Variants in OR7A17 observed in about 807,000 individuals in gnomAD.
The protein encoded by OR7A17 is olfactory receptor family 7 subfamily A member 17.
For synonymous variants in OR7A17, 159 were observed against 142.1 expected, an observed-to-expected ratio of 1.12 and a Z score of -0.85; for missense variants, 366 against 365.5, an observed-to-expected ratio of 1.00 and a Z score of -0.01.
Position 14,880,495 on chromosome 19 carries a change from G to A in OR7A17, c.861C>T (p.Pro287=). Residue 287 remains proline (P), a synonymous_variant, in exon 3 of 3, where the codon CCC becomes CCT. Transcript: ENST00000641113. The stretch of plus-strand genomic sequence containing the variant: ...CTTTATTCCTCAGACTGTAGATAAA[G>A]GGGTTCAGCATGGGGGTGGCCACAG... ...MYTVATPMLN[P]FIYSLRNKDI... 1 of 1,614,064 alleles carries A rather than the reference G, an allele frequency of 6.2e-7. No individual in the cohort carries two copies. Among genetic ancestry groups the A allele is most frequent in the Non-Finnish European group, 8.5e-7 (1 of 1,179,978 alleles).
intron 1 of OR7A17, among the ~76,000 whole-genome samples, chr19:14,882,895 T>A (rs2045119372): frequency 6.6e-6 from 1 of 152,198 alleles, no homozygotes; most frequent in Admixed American, 6.5e-5. Context: ...CTCACCCTGG[T>A]TACACTGTTA....
At chr19:14,881,680 T>G (rs2045113234) in intron 2 of OR7A17, 94 bp downstream of exon 2, 1 of 156,230 alleles carries the variant, frequency 6.4e-6, no homozygotes, top group South Asian at 2.0e-4. Context: ...TGGTGACAGA[T>G]AAAATGGTAT....
At chr19:14,883,333 G>A (rs934107181) in intron 1 of OR7A17, among the ~76,000 whole-genome samples, 6 of 152,084 alleles carry the variant, frequency 3.9e-5, no homozygotes, top group African/African-American at 9.7e-5. Context: ...CCAGCTACTC[G>A]GGGGGCTGAG....
In OR7A17 at chr19:14,881,286, G is replaced by A; in HGVS notation, c.70C>T (p.Gln24Ter). The A allele has an allele frequency of 6.2e-7, 1 of 1,610,260 alleles. No individual in the cohort carries two copies. Among genetic ancestry groups the A allele is most frequent in the South Asian group, 1.1e-5 (1 of 90,352 alleles). ...LLGLSEEPELQPFLFGLFLSM... is the reference protein window; with the variant it reads ...LLGLSEEPEL Reference sequence around the variant, plus strand: ...AGAAACAGCCCAAAGAGGAAGGGCTGCAATTCTGGTTCCTCAGAAAGTCCC... The same window carrying A: ...AGAAACAGCCCAAAGAGGAAGGGCTACAATTCTGGTTCCTCAGAAAGTCCC... The change falls in exon 3 of 3, where the codon CAG becomes TAG. Residue 24 changes from glutamine (Q) to a stop codon, truncating the protein, a stop_gained. Coordinates refer to ENST00000641113, the MANE Select transcript of OR7A17 (RefSeq NM_030901.2). LOFTEE classifies it low-confidence loss of function (END_TRUNC).
In OR7A17 at chr19:14,885,496, C is replaced by G. The variant is rs958477803; in HGVS notation, c.-295+445G>C. On this transcript the variant is annotated intron_variant, in intron 1 of 2. Coordinates refer to ENST00000641113, the MANE Select transcript of OR7A17 (RefSeq NM_030901.2). The stretch of plus-strand genomic sequence containing the variant: ...TATACAGCAATAATAGACAGAGAGC[C>G]AAATCATGAGTGAACTCCCATTCAC... Among the ~76,000 whole-genome samples, 7 of 152,006 alleles carry G rather than the reference C, an allele frequency of 4.6e-5. No individual in the cohort carries two copies. In the East Asian group the frequency reaches 1.3e-3, roughly 29 times the overall value.
chr19:14,881,092 C>T lies in OR7A17; in HGVS notation c.264G>A (p.Gln88=), dbSNP rs748784852. The change falls in exon 3 of 3, where the codon CAG becomes CAA. Residue 88 remains glutamine (Q), a synonymous_variant. Transcript: ENST00000641113. ...AGCCTGCATAGGTGATGACTCTGCT[C>T]TGTGTCTGGATGTTAATGAGCATCT... ...IPKMLINIQT[Q]SRVITYAGCI... The T allele has an allele frequency of 3.7e-6, 6 of 1,614,032 alleles. No individual in the cohort carries two copies. The African/African-American group carries it at 8.0e-5, about 22-fold the overall frequency.
At position 14,881,551 on chromosome 19, in the gene OR7A17, A is replaced by T. The variant is rs2045112537; in HGVS notation, c.-196T>A. On this transcript the variant is annotated splice_region_variant and 5_prime_UTR_variant, in exon 3 of 3. Transcript: ENST00000641113. ...GGCTTGGTTGCATCTTTTCAATGTG[A>T]CTACCAAAAAGAGAGAGAATATGAC... 1 of 287,802 alleles carries T rather than the reference A, an allele frequency of 3.5e-6. No individual in the cohort carries two copies. The highest frequency in any genetic ancestry group is 6.3e-6 in the Non-Finnish European group (1 of 158,544). The allele number at this position is 287,802 out of a possible 1,614,324, so 17.8% of individuals were successfully genotyped here.
chr19:14,881,439 C>G lies in OR7A17; in HGVS notation c.-84G>C. 1 of 957,566 alleles carries G rather than the reference C, an allele frequency of 1.0e-6. No homozygotes were observed. The highest frequency in any genetic ancestry group is 1.4e-6 in the Non-Finnish European group (1 of 727,158). The allele number at this position is 957,566 out of a possible 1,614,324, so 59.3% of individuals were successfully genotyped here. On this transcript the variant is annotated 5_prime_UTR_variant, in exon 3 of 3. Coordinates refer to ENST00000641113, the MANE Select transcript of OR7A17 (RefSeq NM_030901.2). ...ACAGGGTCTCTCACTCTGTTGCCAA[C>G]GCTGGTCTGAACCTCCTGGACTCAT... is the stretch of plus-strand genomic sequence containing the variant.
In OR7A17 at chr19:14,885,957, A is replaced by G. The variant is rs2045134113; in HGVS notation, c.-311T>C. On this transcript the variant is annotated 5_prime_UTR_variant, in exon 1 of 3. Transcript: ENST00000641113. ...GGGACTTACCCTACTGAGTTTTCTG[A>G]AAGGAAGGTCTCCATGGAGAAGTGT... 6.6e-6 allele frequency: 1 copy of G among 152,122 alleles called. No individual in the cohort carries two copies. The highest frequency in any genetic ancestry group is 2.1e-4 in the South Asian group (1 of 4,826). The allele number at this position is 152,122 out of a possible 1,614,324, so 9.4% of individuals were successfully genotyped here.
In OR7A17 at chr19:14,878,218, C is replaced by T. The variant is rs1038412585; in HGVS notation, c.*2208G>A. ...AAAAATGAGACTACCTATTAGATTC[C>T]CTTCTAGGGAGCTAGAATATTTTGA... On this transcript the variant is annotated 3_prime_UTR_variant, in exon 3 of 3. Transcript: ENST00000641113. The T allele has an allele frequency of 6.6e-6, 1 of 152,078 alleles. No individual in the cohort carries two copies. Among genetic ancestry groups the T allele is most frequent in the Non-Finnish European group, 1.5e-5 (1 of 68,016 alleles). The allele number at this position is 152,078 out of a possible 1,614,324, so 9.4% of individuals were successfully genotyped here.
chr19:14,883,612 G>A (rs1416134275), intron 1 of OR7A17, among the ~76,000 whole-genome samples: 1 of 152,066 alleles, frequency 6.6e-6, no homozygotes, highest in Non-Finnish European at 1.5e-5. Context: ...AAATGAGCAG[G>A]AACTTCCCTG....
intron 1 of OR7A17, among the ~76,000 whole-genome samples, chr19:14,882,125 A>G (rs1404190320): frequency 2.0e-5 from 3 of 152,080 alleles, no homozygotes; most frequent in South Asian, 2.1e-4. Flanking sequence ...CCCTGAGGGC[A>G]TGTATTCTAC....
chr19:14,878,502 T>C lies in OR7A17; in HGVS notation c.*1924A>G, dbSNP rs919952866. 6.6e-6 allele frequency: 1 copy of C among 152,212 alleles called. No homozygotes were observed. Among genetic ancestry groups the C allele is most frequent in the Admixed American group, 6.5e-5 (1 of 15,278 alleles). The allele number at this position is 152,212 out of a possible 1,614,324, so 9.4% of individuals were successfully genotyped here. On this transcript the variant is annotated 3_prime_UTR_variant, in exon 3 of 3. Transcript: ENST00000641113. ...TTAAGCAGGACAACAGAAGGAGTCT[T>C]ATTTGTGTGTAGCACTGTAAATTTT...
In OR7A17 at chr19:14,881,364, TTC is replaced by T; in HGVS notation, c.-11_-10del. The stretch of plus-strand genomic sequence containing the variant: ...TCATTCTCTGGTTCCATCTTTTTTT[TTC>T]TATTTATTTATTTATTTATTTATTT... On this transcript the variant is annotated 5_prime_UTR_variant, in exon 3 of 3. Coordinates refer to ENST00000641113, the MANE Select transcript of OR7A17 (RefSeq NM_030901.2). The T allele has an allele frequency of 8.7e-7, 1 of 1,151,290 alleles. No homozygotes were observed. Among genetic ancestry groups the T allele is most frequent in the Non-Finnish European group, 1.1e-6 (1 of 892,624 alleles). The allele number at this position is 1,151,290 out of a possible 1,614,324, so 71.3% of individuals were successfully genotyped here.
rs141239558 is a variant in OR7A17, at chr19:14,882,811, GCA to G, written c.-294-942_-294-941del. On this transcript the variant is annotated intron_variant, in intron 1 of 2. Coordinates refer to ENST00000641113, the MANE Select transcript of OR7A17 (RefSeq NM_030901.2). ...TTATGCTAAAGGTGCGTGCGCGCAC[GCA>G]CACACACACACATTGCCTACATGCA... Among the ~76,000 whole-genome samples the G allele has an allele frequency of 8.8e-3, 1,338 of 151,788 alleles. 29 individuals carry two copies. The highest frequency in any genetic ancestry group is 0.031 in the African/African-American group (1,281 of 41,442).
intron 1 of OR7A17, among the ~76,000 whole-genome samples, chr19:14,885,165 A>C (rs2045130285): frequency 6.6e-6 from 1 of 152,230 alleles, no homozygotes; most frequent in Non-Finnish European, 1.5e-5. Context: ...CCCACAGCCA[A>C]TATCATACTG....
rs1319811349 is a variant in OR7A17, at chr19:14,880,733, C to G, written c.623G>C (p.Gly208Ala). The G allele has an allele frequency of 1.9e-6, 3 of 1,614,082 alleles. No homozygotes were observed. The highest frequency in any genetic ancestry group is 2.7e-5 in the African/African-American group (2 of 74,906). ...GMYFAAGLLA[G>A]GPLVGILCSY... Reference sequence around the variant, plus strand: ...GCAAAGGATCCCCACAAGGGGACCACCAGCCAGCAGCCCTGCTGCAAAATA... The same window carrying G: ...GCAAAGGATCCCCACAAGGGGACCAGCAGCCAGCAGCCCTGCTGCAAAATA... The change falls in exon 3 of 3, where the codon GGT (glycine) becomes GCT (alanine). Residue 208 changes from glycine (G) to alanine (A), a missense_variant. Gly to Ala is a moderately conservative substitution (Grantham distance 60, BLOSUM62 0). Coordinates refer to ENST00000641113, the MANE Select transcript of OR7A17 (RefSeq NM_030901.2).
At chr19:14,885,064 T>C (rs1349753567) in intron 1 of OR7A17, among the ~76,000 whole-genome samples, 1 of 152,144 alleles carries the variant, frequency 6.6e-6, no homozygotes, top group Admixed American at 6.5e-5. Flanking sequence ...AGTCCTCCGA[T>C]AAAATTCAAC....
chr19:14,881,355 TC>T lies in OR7A17; in HGVS notation c.-1del. ...ATCCCTGTGTCATTCTCTGGTTCCA[TC>T]TTTTTTTTTCTATTTATTTATTTAT... On this transcript the variant is annotated 5_prime_UTR_variant, in exon 3 of 3. Coordinates refer to ENST00000641113, the MANE Select transcript of OR7A17 (RefSeq NM_030901.2). 7.4e-7 allele frequency: 1 copy of T among 1,346,440 alleles called. No individual in the cohort carries two copies. The allele number at this position is 1,346,440 out of a possible 1,614,324, so 83.4% of individuals were successfully genotyped here. A position where few individuals can be genotyped will look rare whatever the true frequency, so the allele number is the denominator to read the frequency against.
Sources: allele counts gnomAD v4.1 joint callset (sites outside exome capture counted in the v4.1 genomes callset), GRCh38; gene constraint gnomAD v4.1.1; transcripts MANE v1.5; gene names NCBI Gene and HGNC (gene_info 2026-07-23, HGNC 2026-07-21).